The following UNC13A variants were observed in gnomAD, a reference collection of about 807,000 sequenced individuals.
The protein encoded by UNC13A is protein unc-13 homolog A.
In UNC13A, 61 loss-of-function variants were observed where a neutral mutation model predicts 219.7. The observed-to-expected ratio is 0.28, with a 90% CI of 0.23 to 0.34. The LOEUF (loss-of-function observed/expected upper bound fraction) is 0.34. UNC13A is among the 10% of genes least tolerant of loss of function. UNC13A has a pLI of 1.00. For missense variants in UNC13A, 1,476 were observed against 2,270.3 expected (o/e 0.65, Z 7.11); for synonymous variants, 920 against 884.6 (o/e 1.04, Z -0.71).
rs773140142 is a variant in UNC13A at position 17,669,558 on chromosome 19, G to A, written c.389C>T (p.Pro130Leu). 3 of 1,613,660 alleles carry A rather than the reference G, an allele frequency of 1.9e-6. No homozygotes were observed. The highest frequency in any genetic ancestry group is 2.5e-6 in the Non-Finnish European group (3 of 1,179,698). ...RILLDTRFEL[P>L]LDIPEEEARY... ...TCCCGGGCCCCTGTACTCACCTAAG[G>A]GTAGCTCAAAGCGCGTGTCCAGGAG... Residue 130 changes from proline to leucine, a missense_variant, in exon 5 of 44, where the codon CCC becomes CTC. Pro to Leu is a moderately conservative substitution (Grantham distance 98). Around this residue, in one of 14 missense-constraint regions of UNC13A, gnomAD observed 203 missense variants for 301.6 expected, o/e 0.67. Transcript: ENST00000519716.
Position 17,649,461 on chromosome 19 carries a change from T to G in UNC13A, c.1518+48A>C. The G allele has an allele frequency of 6.2e-7, 1 of 1,613,378 alleles. No homozygotes were observed. The highest frequency in any genetic ancestry group is 8.5e-7 in the Non-Finnish European group (1 of 1,179,382). ...GGCAGTTCCACAGGTTGTGCACTGCTTATAGCAGGCCTGCTCTGCTCAGGG... is the reference window on the plus strand; with the variant it reads ...GGCAGTTCCACAGGTTGTGCACTGCGTATAGCAGGCCTGCTCTGCTCAGGG... On this transcript the variant is annotated intron_variant, in intron 13 of 43. Transcript: ENST00000519716. This position sits in a 1 kb window ranked among gnomAD's most constrained non-coding sequence, Gnocchi z 4.4.
In UNC13A at chr19:17,603,880, C is replaced by T. The variant is rs117867466; in HGVS notation, c.*2174G>A. On this transcript the variant is annotated 3_prime_UTR_variant, in exon 44 of 44. Transcript: ENST00000519716. ...AGGCTGGAGTGCAGTTGTGTGATCA[C>T]GACTCACTACAACCTCTGCCTCCAG... 0.042 allele frequency: 6,415 copies of T among 151,452 alleles called. 197 individuals are homozygous for T. The highest frequency in any genetic ancestry group is 0.11 in the Middle Eastern group (32 of 298). 9.4% of individuals were successfully genotyped at this position (151,452 alleles called of 1,614,324 possible).
Position 17,656,367 on chromosome 19 carries a change from C to G in UNC13A, c.799G>C (p.Gly267Arg). 1 of 1,551,930 alleles carries G rather than the reference C, an allele frequency of 6.4e-7. No individual in the cohort carries two copies. The highest frequency in any genetic ancestry group is 8.7e-7 in the Non-Finnish European group (1 of 1,149,804). ...TGAGAGCTTCCCTGGCTCAGCTCCCCGGAAGAGGCATAGCGGCTGCTACCC... is the reference window on the plus strand; with the variant it reads ...TGAGAGCTTCCCTGGCTCAGCTCCCGGGAAGAGGCATAGCGGCTGCTACCC... ...PTGSSRYASSGELSQGSSQLS... is the reference protein window; with the variant it reads ...PTGSSRYASSRELSQGSSQLS... The change falls in exon 10 of 44, where the codon GGG becomes CGG. Residue 267 changes from glycine (G) to arginine (R), a missense_variant. This residue lies in a region of UNC13A where 351 missense variants were observed against 342.6 expected (regional missense o/e 1.02). Transcript: ENST00000519716.
At chr19:17,663,685 C>T in intron 7 of UNC13A, 118 bp from the exon 8 acceptor site, 1 of 1,068,704 alleles carries the variant, frequency 9.4e-7, no homozygotes, top group South Asian at 1.4e-5. Flanking sequence ...AAAAGTCCCT[C>T]TTGTCCTGAG....
intron 12 of UNC13A, among the ~76,000 whole-genome samples, chr19:17,650,207 T>C (rs1219012251): frequency 6.6e-6 from 1 of 152,112 alleles, no homozygotes; most frequent in Non-Finnish European, 1.5e-5. Context: ...CAAATCTAAA[T>C]AATATACTAA....
intron 25 of UNC13A, among the ~76,000 whole-genome samples, chr19:17,637,061 C>G (rs1003942548): frequency 6.6e-6 from 1 of 151,638 alleles, no homozygotes. Context: ...ACCATAGACT[C>G]GAACTCCTGG....
In UNC13A at chr19:17,602,894, G is replaced by A. The variant is rs1568491499; in HGVS notation, c.*3160C>T. 1 of 152,306 alleles carries A rather than the reference G, an allele frequency of 6.6e-6. No homozygotes were observed. The highest frequency in any genetic ancestry group is 1.5e-5 in the Non-Finnish European group (1 of 68,132). 9.4% of individuals were successfully genotyped at this position (152,306 alleles called of 1,614,324 possible). The stretch of plus-strand genomic sequence containing the variant: ...CCCACTTGTGCCCAGCCTGTGCTAG[G>A]TAAAGTTGGGGGTCCTGAGAGTCCT... On this transcript the variant is annotated 3_prime_UTR_variant, in exon 44 of 44. Transcript: ENST00000519716.
chr19:17,675,953 C>T, intron 2 of UNC13A, 59 bp downstream of exon 2: 1 of 1,542,606 alleles, frequency 6.5e-7, no homozygotes, highest in Admixed American at 2.0e-5. Context: ...CCCAGTCTCT[C>T]CAAGAGACAG....
intron 3 of UNC13A, 144 bp from the exon 4 acceptor site, chr19:17,672,639 G>C (rs1027603143): frequency 8.2e-6 from 5 of 609,704 alleles, no homozygotes; most frequent in Non-Finnish European, 1.1e-5. Flanking sequence ...GGGTAACATG[G>C]TGGTTCTCAT....
At chr19:17,613,411 A>T (rs998951682) in intron 41 of UNC13A, among the ~76,000 whole-genome samples, 3 of 152,052 alleles carry the variant, frequency 2.0e-5, no homozygotes, top group Non-Finnish European at 4.4e-5. Flanking sequence ...TGTCTCAAAA[A>T]ACAAAACAAA....
intron 25 of UNC13A, among the ~76,000 whole-genome samples, chr19:17,637,082 T>C (rs1266808264): frequency 6.6e-6 from 1 of 151,722 alleles, no homozygotes; most frequent in African/African-American, 2.4e-5. Flanking sequence ...GCTCAAGTGA[T>C]CCTTCCACCT....
At chr19:17,652,469 G>T (rs1484508050) in intron 12 of UNC13A, among the ~76,000 whole-genome samples, 162 bp downstream of exon 12, 1 of 152,122 alleles carries the variant, frequency 6.6e-6, no homozygotes, top group Non-Finnish European at 1.5e-5. Context: ...GTCTGCGTAT[G>T]GCTGTGTGCC....
intron 8 of UNC13A, among the ~76,000 whole-genome samples, chr19:17,661,201 A>T (rs2079545692): frequency 6.6e-6 from 1 of 151,574 alleles, no homozygotes; most frequent in African/African-American, 2.4e-5. Context: ...AGCCTCCCAA[A>T]GTGTTGGAAT....
intron 7 of UNC13A, among the ~76,000 whole-genome samples, chr19:17,663,990 TG>T (rs1477599881): frequency 6.6e-6 from 1 of 151,140 alleles, no homozygotes; most frequent in Non-Finnish European, 1.5e-5. Flanking sequence ...GTTTTCTTTT[TG>T]TTTTTTTGTG....
intron 42 of UNC13A, among the ~76,000 whole-genome samples, chr19:17,610,383 T>C (rs1036462882): frequency 6.6e-6 from 1 of 152,170 alleles, no homozygotes; most frequent in Non-Finnish European, 1.5e-5. Flanking sequence ...GGAGGATTGC[T>C]TGAGCCTGGG....
At position 17,639,444 on chromosome 19, in the gene UNC13A, G is replaced by A. The variant is rs1363283903; in HGVS notation, c.2938C>T (p.Arg980Trp). 1.2e-6 allele frequency: 2 copies of A among 1,612,962 alleles called. No homozygotes were observed. The highest frequency in any genetic ancestry group is 1.7e-6 in the Non-Finnish European group (2 of 1,179,578). ...ACTGGATCCTTTCCTACCTTCATCC[G>A]AAAGAAGGTGATGCTGGTGAGAAGG... is the stretch of plus-strand genomic sequence containing the variant. The part of the protein sequence containing the change: ...VDLLTSITFF[R>W]MKVQELQSPP... The change falls in exon 24 of 44, where the codon CGG becomes TGG. Residue 980 changes from arginine (R) to tryptophan (W), a missense_variant. Arg to Trp is a moderately radical substitution (Grantham distance 101). Around this residue, in one of 14 missense-constraint regions of UNC13A, gnomAD observed 140 missense variants for 270.9 expected, o/e 0.52. Transcript: ENST00000519716.
chr19:17,630,314 A>G, intron 29 of UNC13A, 26 bp from the exon 30 acceptor site: 1 of 1,557,138 alleles, frequency 6.4e-7, no homozygotes, highest in Non-Finnish European at 8.7e-7. Flanking sequence ...GGCCAAGAGG[A>G]AGGAGGAGAT....
chr19:17,633,439 C>T (rs1332875707), intron 26 of UNC13A, among the ~76,000 whole-genome samples: 3 of 152,022 alleles, frequency 2.0e-5, no homozygotes, highest in African/African-American at 7.2e-5. Context: ...CCCATACATT[C>T]AACAACTCAT....
intron 21 of UNC13A, 101 bp downstream of exon 21, chr19:17,641,292 C>T: frequency 6.8e-7 from 1 of 1,475,666 alleles, no homozygotes; most frequent in Non-Finnish European, 9.2e-7. Flanking sequence ...CGCCCACTTC[C>T]TCTCTGGGTC....
Sources: gnomAD v4.1 joint callset for allele counts (sites outside exome capture counted in the v4.1 genomes callset) on GRCh38, gnomAD v4.1.1 for gene constraint, gnomAD v4.1.1 regional missense constraint, Gnocchi (gnomAD v3.1) non-coding constraint, MANE v1.5 for transcripts, NCBI Gene and HGNC (gene_info 2026-07-23, HGNC 2026-07-21) for gene names.